ANP32B: variants seen among roughly 807,000 people sequenced by gnomAD.
ANP32B encodes acidic leucine-rich nuclear phosphoprotein 32 family member B.
ANP32B carries 6 observed loss-of-function variants against 32.2 expected under a neutral mutation model. That is an observed-to-expected ratio of 0.19 (90% confidence interval 0.10 to 0.37). The LOEUF (loss-of-function observed/expected upper bound fraction) is 0.37, where lower values mean the gene tolerates loss of function less well. Ranked by LOEUF, ANP32B falls within the 10% of genes least tolerant of loss-of-function variation. The probability of loss-of-function intolerance (pLI) is 1.00; values close to 1 mark genes in which losing one functional copy is unlikely to be tolerated. For missense variants in ANP32B, 204 were observed against 289.2 expected (o/e 0.71, Z 2.14); for synonymous variants, 98 against 105.8 (o/e 0.93, Z 0.45).
chr9:97,991,553 G>A (rs930922990), intron 1 of ANP32B, among the ~76,000 whole-genome samples: 1 of 152,108 alleles, frequency 6.6e-6, no homozygotes, highest in Non-Finnish European at 1.5e-5. Context: ...CAAGATAAAT[G>A]CAAATAGCCA....
intron 3 of ANP32B, chr9:98,002,293 CAAAG>C (rs1828007023): frequency 6.6e-6 from 1 of 152,154 alleles, no homozygotes; most frequent in African/African-American, 2.4e-5. Context: ...AATCGAGAGA[CAAAG>C]AAGGCATCAA....
chr9:97,983,689 G>A (rs1827638257), intron 1 of ANP32B, 80 bp downstream of exon 1: 1 of 1,203,728 alleles, frequency 8.3e-7, no homozygotes, highest in Non-Finnish European at 1.1e-6. Flanking sequence ...CCGGGCTGAG[G>A]GTTCGCCGGC....
chr9:97,985,070 C>G (rs980934648), intron 1 of ANP32B, among the ~76,000 whole-genome samples: 1 of 150,224 alleles, frequency 6.7e-6, no homozygotes, highest in Admixed American at 6.6e-5. Flanking sequence ...TCGCGAGCCC[C>G]CCCCCCGCCG....
chr9:97,984,073 G>C (rs1436949221), intron 1 of ANP32B, among the ~76,000 whole-genome samples: 1 of 149,980 alleles, frequency 6.7e-6, no homozygotes, highest in Non-Finnish European at 1.5e-5. Flanking sequence ...AAGGGGCGCG[G>C]GTGGGGCGGG....
At chr9:98,009,791 A>G (rs1828148552) in intron 4 of ANP32B, among the ~76,000 whole-genome samples, 1 of 152,250 alleles carries the variant, frequency 6.6e-6, no homozygotes, top group Non-Finnish European at 1.5e-5. Context: ...AAATTAGCAC[A>G]TATGACAGAA....
At chr9:98,009,927 A>T (rs971343649) in intron 4 of ANP32B, among the ~76,000 whole-genome samples, 1 of 152,274 alleles carries the variant, frequency 6.6e-6, no homozygotes. Flanking sequence ...TTAATGAGTT[A>T]TAAGGTGGTA....
intron 2 of ANP32B, among the ~76,000 whole-genome samples, chr9:97,997,400 C>G (rs1827922884): frequency 6.6e-6 from 1 of 152,200 alleles, no homozygotes; most frequent in Non-Finnish European, 1.5e-5. Context: ...TACTCTGCAT[C>G]ATATAGTACA....
intron 1 of ANP32B, among the ~76,000 whole-genome samples, chr9:97,985,344 C>T (rs1038708261): frequency 2.0e-5 from 3 of 152,172 alleles, no homozygotes; most frequent in South Asian, 2.1e-4. Context: ...CGGGCTCCAC[C>T]GCACGGCGCT....
chr9:97,994,776 A>G lies in ANP32B; in HGVS notation c.200A>G (p.Lys67Arg). The G allele has an allele frequency of 6.3e-7, 1 of 1,589,626 alleles. No homozygotes were observed. Among genetic ancestry groups the G allele is most frequent in the African/African-American group, 1.4e-5 (1 of 73,510 alleles). The stretch of plus-strand genomic sequence containing the variant: ...AATCTCCCCAAGCTGCCTAAATTGA[A>G]AAAGGTAAGTGCTTTTTCTTTAACA... ...VSNLPKLPKL[K>R]KLELSENRIF... Residue 67 changes from lysine (K) to arginine (R), a missense_variant, in exon 2 of 7, where the codon AAA becomes AGA. By Grantham distance (26) the Lys-to-Arg change is conservative. Transcript: ENST00000339399.
At chr9:97,985,685 CTT>C (rs1249355003) in intron 1 of ANP32B, among the ~76,000 whole-genome samples, 2 of 152,206 alleles carry the variant, frequency 1.3e-5, no homozygotes, top group East Asian at 3.8e-4. Flanking sequence ...AACTAAAGGT[CTT>C]TTAAAATTCT....
At chr9:98,004,407 AT>A (rs994080728) in intron 3 of ANP32B, among the ~76,000 whole-genome samples, 1 of 152,140 alleles carries the variant, frequency 6.6e-6, no homozygotes, top group Non-Finnish European at 1.5e-5. Context: ...CTCAGCCCAT[AT>A]TGACTCCTGT....
intron 6 of ANP32B, among the ~76,000 whole-genome samples, chr9:98,012,843 G>A (rs1828211482): frequency 6.6e-6 from 1 of 152,200 alleles, no homozygotes; most frequent in African/African-American, 2.4e-5. Flanking sequence ...CCATTCTCCT[G>A]CCTCAGCCTC....
intron 2 of ANP32B, among the ~76,000 whole-genome samples, chr9:97,996,813 T>A (rs1469963133): frequency 6.6e-6 from 1 of 151,984 alleles, no homozygotes; most frequent in African/African-American, 2.4e-5. Context: ...TTGGTCAGGC[T>A]GGTTTCGAAC....
chr9:97,994,529 AT>A (rs1348604597), intron 1 of ANP32B, 101 bp from the exon 2 acceptor site: 7 of 1,154,412 alleles, frequency 6.1e-6, no homozygotes, highest in Middle Eastern at 2.9e-4. Context: ...CTGCCTGTAT[AT>A]ATGGGTGTTT....
chr9:97,989,345 A>G (rs1827787646), intron 1 of ANP32B, among the ~76,000 whole-genome samples: 1 of 152,220 alleles, frequency 6.6e-6, no homozygotes, highest in Admixed American at 6.5e-5. Context: ...GAAAACAAAT[A>G]TGAGTTAAGT....
At chr9:98,001,471 C>T (rs1283831813) in intron 3 of ANP32B, among the ~76,000 whole-genome samples, 2 of 152,208 alleles carry the variant, frequency 1.3e-5, no homozygotes, top group South Asian at 2.1e-4. Flanking sequence ...GGATTACAGG[C>T]GTGAGCCACC....
At chr9:98,005,835 AG>A (rs920971867) in intron 4 of ANP32B, among the ~76,000 whole-genome samples, 1 of 152,168 alleles carries the variant, frequency 6.6e-6, no homozygotes, top group Admixed American at 6.5e-5. Context: ...TTCCTACTTC[AG>A]GGGTCTTCAA....
chr9:97,995,073 G>C (rs546105419), intron 2 of ANP32B, among the ~76,000 whole-genome samples: 1 of 152,302 alleles, frequency 6.6e-6, no homozygotes, highest in African/African-American at 2.4e-5. Context: ...GTAGTAGTTA[G>C]GAAGAATAAT....
intron 1 of ANP32B, among the ~76,000 whole-genome samples, chr9:97,987,043 A>G (rs1303661302): frequency 6.6e-6 from 1 of 152,088 alleles, no homozygotes; most frequent in African/African-American, 2.4e-5. Flanking sequence ...TGACCAAGGA[A>G]GACAAGAAGG....
Sources: allele counts gnomAD v4.1 joint callset (sites outside exome capture counted in the v4.1 genomes callset), GRCh38; gene constraint gnomAD v4.1.1; transcripts MANE v1.5; gene names NCBI Gene and HGNC (gene_info 2026-07-23, HGNC 2026-07-21).